The following GABRB2 variants were observed in gnomAD, a reference collection of about 807,000 sequenced individuals.
GABRB2 encodes gamma-aminobutyric acid type A receptor subunit beta2, also known as gamma-aminobutyric acid receptor subunit beta-2.
GABRB2 carries 16 observed loss-of-function variants against 54.7 expected under a neutral mutation model. That is an observed-to-expected ratio of 0.29 (90% CI 0.20 to 0.44). GABRB2 has a LOEUF of 0.44. Among genes scored for constraint, GABRB2 ranks in the 20% least tolerant of loss-of-function variants. The pLI, the probability that GABRB2 is intolerant of heterozygous loss-of-function variation, is 1.00. For synonymous variants in GABRB2, 244 were observed against 233.8 expected (o/e 1.04, Z -0.40); for missense variants, 355 against 644.0 (o/e 0.55, Z 4.86).
At chr5:161,311,861 A>G (rs1019943882) in intron 9 of GABRB2, among the ~76,000 whole-genome samples, 1 of 152,214 alleles carries the variant, frequency 6.6e-6, no homozygotes, top group African/African-American at 2.4e-5. Flanking sequence ...GCTAGATAAT[A>G]TCTTAGATCC....
intron 5 of GABRB2, among the ~76,000 whole-genome samples, chr5:161,349,291 A>AT (rs1754403081): frequency 6.6e-6 from 1 of 152,084 alleles, no homozygotes; most frequent in Non-Finnish European, 1.5e-5. Context: ...CCTATGAGAG[A>AT]TATTAAATGA....
intron 4 of GABRB2, among the ~76,000 whole-genome samples, chr5:161,423,585 G>T (rs1756913330): frequency 6.6e-6 from 1 of 152,076 alleles, no homozygotes; most frequent in South Asian, 2.1e-4. Context: ...GTCCATATAA[G>T]ACAGTGAACT....
chr5:161,316,872 A>G (rs934805695), intron 9 of GABRB2, among the ~76,000 whole-genome samples: 4 of 152,172 alleles, frequency 2.6e-5, no homozygotes, highest in Non-Finnish European at 5.9e-5. Context: ...TCGGGCTCCC[A>G]AAGTGCTGGG....
intron 4 of GABRB2, among the ~76,000 whole-genome samples, chr5:161,438,693 CAA>C (rs1757378693): frequency 6.6e-6 from 1 of 151,730 alleles, no homozygotes; most frequent in East Asian, 1.9e-4. Flanking sequence ...ATGAATTTAA[CAA>C]AGAGATCAAA....
At chr5:161,486,832 T>C (rs1346491668) in intron 3 of GABRB2, among the ~76,000 whole-genome samples, 2 of 151,946 alleles carry the variant, frequency 1.3e-5, no homozygotes, top group African/African-American at 4.8e-5. Flanking sequence ...AGAAAGGTCA[T>C]TGTGATGAAC....
chr5:161,490,553 C>T (rs1227161017), intron 3 of GABRB2, among the ~76,000 whole-genome samples: 1 of 151,660 alleles, frequency 6.6e-6, no homozygotes, highest in East Asian at 1.9e-4. Flanking sequence ...TACTGCCCAG[C>T]ACAGCAGAAG....
At chr5:161,345,368 G>A (rs574525591) in intron 5 of GABRB2, among the ~76,000 whole-genome samples, 2 of 152,080 alleles carry the variant, frequency 1.3e-5, no homozygotes, top group South Asian at 4.2e-4. Flanking sequence ...TTTCCCAGTT[G>A]GGGAAGTGAG....
intron 5 of GABRB2, among the ~76,000 whole-genome samples, chr5:161,389,737 G>C (rs1352365309): frequency 6.6e-6 from 1 of 151,916 alleles, no homozygotes; most frequent in African/African-American, 2.4e-5. Context: ...TATAATATCA[G>C]TATCTTTAAT....
intron 3 of GABRB2, among the ~76,000 whole-genome samples, chr5:161,484,976 T>C (rs1241633068): frequency 6.6e-6 from 1 of 152,020 alleles, no homozygotes; most frequent in East Asian, 1.9e-4. Flanking sequence ...CTTCTGAATA[T>C]TGAACGTCCT....
rs370502503 is a variant in GABRB2, at chr5:161,527,567, G to T, written c.237+17660C>A. 1.1e-4 allele frequency among the ~76,000 whole-genome samples: 16 copies of T among 151,486 alleles called. No individual in the cohort carries two copies. In the South Asian group the frequency reaches 3.3e-3, roughly 31 times the overall value. On this transcript the variant is annotated intron_variant, in intron 3 of 9. Transcript: ENST00000393959. ...AGTTATTATACAAGGAAATAAGTCT[G>T]CAATATGTGATATAGGCTCAATAGC... is the stretch of plus-strand genomic sequence containing the variant.
At chr5:161,354,469 C>T (rs1754559295) in intron 5 of GABRB2, among the ~76,000 whole-genome samples, 1 of 151,894 alleles carries the variant, frequency 6.6e-6, no homozygotes, top group African/African-American at 2.4e-5. Context: ...CAAAAGAAAA[C>T]TCTAGCAACT....
intron 3 of GABRB2, among the ~76,000 whole-genome samples, chr5:161,502,375 A>T (rs13157346): frequency 0.016 from 2,378 of 152,280 alleles, 29 homozygotes; most frequent in East Asian, 0.024. Flanking sequence ...TACAAAACAC[A>T]TACATTTGTC....
At chr5:161,492,774 C>T (rs1759121507) in intron 3 of GABRB2, among the ~76,000 whole-genome samples, 1 of 151,684 alleles carries the variant, frequency 6.6e-6, no homozygotes, top group Non-Finnish European at 1.5e-5. Flanking sequence ...CAAACGGGAT[C>T]GTCCTGCACA....
At chr5:161,528,628 AAATGT>A in intron 3 of GABRB2, among the ~76,000 whole-genome samples, 2 of 151,948 alleles carry the variant, frequency 1.3e-5, no homozygotes, top group South Asian at 4.1e-4. Context: ...ATTTATCAAA[AAATGT>A]AATAACATCT....
intron 4 of GABRB2, among the ~76,000 whole-genome samples, chr5:161,456,037 C>T (rs968394846): frequency 1.3e-5 from 2 of 152,254 alleles, no homozygotes; most frequent in Non-Finnish European, 2.9e-5. Flanking sequence ...TTTAACCTAC[C>T]CCACCAATCT....
intron 4 of GABRB2, among the ~76,000 whole-genome samples, chr5:161,413,315 C>CT (rs1324897877): frequency 6.6e-6 from 1 of 151,710 alleles, no homozygotes; most frequent in African/African-American, 2.4e-5. Flanking sequence ...TGTAGAGGTT[C>CT]TTTTTATATT....
At chr5:161,343,608 A>G (rs929452743) in intron 5 of GABRB2, among the ~76,000 whole-genome samples, 1 of 152,058 alleles carries the variant, frequency 6.6e-6, no homozygotes, top group Non-Finnish European at 1.5e-5. Flanking sequence ...ATGTTTAGAG[A>G]GACTAAGCAG....
intron 5 of GABRB2, among the ~76,000 whole-genome samples, chr5:161,375,604 C>T (rs1197958566): frequency 6.6e-6 from 1 of 152,116 alleles, no homozygotes; most frequent in Admixed American, 6.6e-5. Flanking sequence ...AGAGTAAGAA[C>T]GAGGCTTTTG....
chr5:161,331,473 G>T (rs35595756), intron 7 of GABRB2, among the ~76,000 whole-genome samples: 2,306 of 152,240 alleles, frequency 0.015, 23 homozygotes, highest in Middle Eastern at 0.082. Flanking sequence ...TGATGTGCCA[G>T]GGATGAGGTT....
Sources: allele counts gnomAD v4.1 joint callset (sites outside exome capture counted in the v4.1 genomes callset), GRCh38; gene constraint gnomAD v4.1.1; transcripts MANE v1.5; gene names NCBI Gene and HGNC (gene_info 2026-07-23, HGNC 2026-07-21).